Variants in TOX observed in about 807,000 individuals in gnomAD.
The protein encoded by TOX is thymocyte selection associated high mobility group box, also known as thymocyte selection-associated high mobility group box protein TOX.
Under a neutral mutation model 53.7 loss-of-function variants are expected in TOX, and 11 were observed. The ratio of observed to expected loss-of-function variants is 0.20; its 90% confidence interval spans 0.13 to 0.34. TOX has a LOEUF of 0.34. TOX is among the 10% of genes least tolerant of loss of function. TOX has a pLI of 1.00. For missense variants in TOX, 570 were observed against 664.6 expected (o/e 0.86, Z 1.56); for synonymous variants, 225 against 245.3 (o/e 0.92, Z 0.77).
intron 1 of TOX, among the ~76,000 whole-genome samples, chr8:59,079,325 G>C (rs1021426429): frequency 6.6e-6 from 1 of 152,130 alleles, no homozygotes; most frequent in South Asian, 2.1e-4. Context: ...TGGGAAAAAG[G>C]CCTCAGAGGC....
At chr8:58,838,480 A>G (rs1810586362) in intron 4 of TOX, among the ~76,000 whole-genome samples, 169 bp from the exon 5 acceptor site, 1 of 152,012 alleles carries the variant, frequency 6.6e-6, no homozygotes. Flanking sequence ...ATGAAACTGC[A>G]TATTTCAAGT....
At chr8:58,893,840 G>A (rs1447306446) in intron 3 of TOX, among the ~76,000 whole-genome samples, 1 of 152,206 alleles carries the variant, frequency 6.6e-6, no homozygotes, top group African/African-American at 2.4e-5. Context: ...AAAGAAGATT[G>A]AAGTGTAAAT....
chr8:59,076,637 T>C (rs1487166927), intron 1 of TOX, among the ~76,000 whole-genome samples: 2 of 152,222 alleles, frequency 1.3e-5, no homozygotes, highest in Non-Finnish European at 2.9e-5. Context: ...TTTATGTTGC[T>C]AATTTTATGC....
At chr8:59,008,918 G>A (rs931386238) in intron 1 of TOX, among the ~76,000 whole-genome samples, 2 of 152,220 alleles carry the variant, frequency 1.3e-5, no homozygotes, top group Non-Finnish European at 2.9e-5. Flanking sequence ...GGAGCCTGAA[G>A]GCAGGGAGCT....
At position 59,107,054 on chromosome 8, in the gene TOX, G is replaced by C. The variant is rs577784216; in HGVS notation, c.102+11832C>G. Among the ~76,000 whole-genome samples, 55 of 128,158 alleles carry C rather than the reference G, an allele frequency of 4.3e-4. 11 individuals carry two copies. Among genetic ancestry groups the C allele is most frequent in the Admixed American group, 2.7e-3 (36 of 13,264 alleles). The allele number at this position is 128,158 out of a possible 152,430, so 84.1% of individuals were successfully genotyped here. Reference sequence around the variant, plus strand: ...CTTATAAAGCAGTTTGCTGGGGGGGGGGGGAACGTGACATTTCTAATTCAT... The same window carrying C: ...CTTATAAAGCAGTTTGCTGGGGGGGCGGGGAACGTGACATTTCTAATTCAT... On this transcript the variant is annotated intron_variant, in intron 1 of 8. Coordinates refer to ENST00000361421, the MANE Select transcript of TOX (RefSeq NM_014729.3).
At chr8:59,037,801 CAAA>C (rs769397049) in intron 1 of TOX, among the ~76,000 whole-genome samples, 4 of 98,080 alleles carry the variant, frequency 4.1e-5, no homozygotes, top group African/African-American at 3.6e-5. Context: ...GACTCCATCT[CAAA>C]AAAAAAAAAA....
chr8:58,942,717 CA>C, intron 2 of TOX, among the ~76,000 whole-genome samples: 1 of 152,246 alleles, frequency 6.6e-6, no homozygotes, highest in Non-Finnish European at 1.5e-5. Flanking sequence ...TTTAACTTAA[CA>C]ATAGTTTTAT....
chr8:58,848,014 A>G (rs1810745349), intron 4 of TOX, among the ~76,000 whole-genome samples: 3 of 152,242 alleles, frequency 2.0e-5, no homozygotes, highest in Admixed American at 1.3e-4. Context: ...ATAAATCCAA[A>G]GGAAAAATAA....
chr8:59,106,325 A>G (rs1804902139), intron 1 of TOX, among the ~76,000 whole-genome samples: 2 of 152,316 alleles, frequency 1.3e-5, no homozygotes, highest in East Asian at 3.9e-4. Context: ...AAAAAAAAGA[A>G]AGAAAGATAA....
At chr8:58,894,559 T>C (rs1336404845) in intron 3 of TOX, among the ~76,000 whole-genome samples, 3 of 152,208 alleles carry the variant, frequency 2.0e-5, no homozygotes, top group African/African-American at 7.2e-5. Context: ...TGCTATTCAG[T>C]TGTCTTTCCT....
intron 3 of TOX, among the ~76,000 whole-genome samples, chr8:58,920,721 T>TAAAAAAAAAAAAAAAA (rs5891703): frequency 2.8e-4 from 23 of 80,958 alleles, no homozygotes; most frequent in East Asian, 1.2e-3. Flanking sequence ...AAAAAAACAT[T>TAAAAAAAAAAAAAAAA]AAAAAAAAAA....
intron 1 of TOX, among the ~76,000 whole-genome samples, chr8:58,985,038 T>C (rs1813300615): frequency 6.7e-6 from 1 of 150,254 alleles, no homozygotes; most frequent in Non-Finnish European, 1.5e-5. Flanking sequence ...TATTTGACTA[T>C]GGACATCTAT....
intron 3 of TOX, among the ~76,000 whole-genome samples, chr8:58,863,076 T>C (rs1359931978): frequency 1.3e-5 from 2 of 152,188 alleles, no homozygotes; most frequent in African/African-American, 4.8e-5. Flanking sequence ...ATTGAAATTA[T>C]GTCATTATGG....
At chr8:58,932,241 T>C (rs1812266799) in intron 3 of TOX, among the ~76,000 whole-genome samples, 1 of 151,860 alleles carries the variant, frequency 6.6e-6, no homozygotes, top group South Asian at 2.1e-4. Flanking sequence ...GTTTAACGCA[T>C]TGTTCTTGGG....
At chr8:58,834,804 A>G (rs1050403943) in intron 5 of TOX, among the ~76,000 whole-genome samples, 2 of 152,124 alleles carry the variant, frequency 1.3e-5, no homozygotes, top group Non-Finnish European at 2.9e-5. Context: ...CCTGCATCCA[A>G]CGTGTGTCCT....
At chr8:58,940,800 T>C (rs1195270400) in intron 2 of TOX, among the ~76,000 whole-genome samples, 1 of 152,208 alleles carries the variant, frequency 6.6e-6, no homozygotes, top group Non-Finnish European at 1.5e-5. Flanking sequence ...GGGGTTATTT[T>C]TTCCAGATGG....
chr8:59,106,344 C>T (rs117476962), intron 1 of TOX, among the ~76,000 whole-genome samples: 304 of 152,174 alleles, frequency 2.0e-3, no homozygotes, highest in South Asian at 3.5e-3. Flanking sequence ...AAACACACTT[C>T]GTATAGCAAG....
chr8:59,052,446 A>G (rs1803809057), intron 1 of TOX, among the ~76,000 whole-genome samples: 1 of 152,214 alleles, frequency 6.6e-6, no homozygotes, highest in Non-Finnish European at 1.5e-5. Flanking sequence ...TAAAGGATAA[A>G]TAAGCATTTA....
At chr8:58,937,002 C>T (rs917812856) in intron 3 of TOX, among the ~76,000 whole-genome samples, 4 of 152,200 alleles carry the variant, frequency 2.6e-5, no homozygotes, top group African/African-American at 9.7e-5. Context: ...AGAGCTCCAT[C>T]GTCACACCAC....
Sources: gnomAD v4.1 joint callset for allele counts (sites outside exome capture counted in the v4.1 genomes callset) on GRCh38, gnomAD v4.1.1 for gene constraint, MANE v1.5 for transcripts, NCBI Gene and HGNC (gene_info 2026-07-23, HGNC 2026-07-21) for gene names.